Variants in DPP10 observed in about 807,000 individuals in gnomAD.
DPP10 encodes the protein dipeptidyl peptidase like 10, also known as inactive dipeptidyl peptidase 10.
Under a neutral mutation model 120.9 loss-of-function variants are expected in DPP10, and 33 were observed. The observed-to-expected ratio is 0.27, with a 90% CI of 0.21 to 0.37. DPP10 has a LOEUF of 0.37. Among genes scored for constraint, DPP10 ranks in the 10% least tolerant of loss-of-function variants. The probability of loss-of-function intolerance (pLI) is 1.00; values close to 1 mark genes in which losing one functional copy is unlikely to be tolerated. For synonymous variants in DPP10, 337 were observed against 326.1 expected, an observed-to-expected ratio of 1.03 and a Z score of -0.36; for missense variants, 816 against 942.8, an observed-to-expected ratio of 0.87 and a Z score of 1.76.
At chr2:115,124,400 T>C (rs2049973777) in intron 1 of DPP10, among the ~76,000 whole-genome samples, 1 of 152,240 alleles carries the variant, frequency 6.6e-6, no homozygotes, top group Non-Finnish European at 1.5e-5. Flanking sequence ...CCTCATTATC[T>C]GATCTTGAGC....
intron 8 of DPP10, among the ~76,000 whole-genome samples, chr2:115,731,371 T>C (rs2092906125): frequency 7.0e-6 from 1 of 142,618 alleles, no homozygotes; most frequent in East Asian, 2.1e-4. Flanking sequence ...AAAAAAAATT[T>C]AACTGGGTGG....
At chr2:115,687,754 C>A (rs2149491534) in intron 5 of DPP10, among the ~76,000 whole-genome samples, 1 of 152,128 alleles carries the variant, frequency 6.6e-6, no homozygotes, top group Admixed American at 6.6e-5. Context: ...AGAGAACGAC[C>A]AGCAACCTCT....
In DPP10 at chr2:115,679,702, A is replaced by G. The variant is rs77557887; in HGVS notation, c.442-9985A>G. On this transcript the variant is annotated intron_variant, in intron 5 of 25. Transcript: ENST00000410059. ...AATTCTGTTATTTGCATCAACATGG[A>G]TAAACCTGGAAGACATTATATTAAG... 1.2e-4 allele frequency among the ~76,000 whole-genome samples: 18 copies of G among 152,352 alleles called. No individual in the cohort carries two copies. The East Asian group carries it at 3.5e-3, about 29-fold the overall frequency.
intron 3 of DPP10, among the ~76,000 whole-genome samples, chr2:115,369,622 A>T (rs1036254792): frequency 1.3e-5 from 2 of 152,106 alleles, no homozygotes; most frequent in South Asian, 2.1e-4. Context: ...GACAAGAAGT[A>T]TAACAGCGGA....
chr2:115,325,684 C>T (rs1325309693), intron 2 of DPP10, among the ~76,000 whole-genome samples: 2 of 151,916 alleles, frequency 1.3e-5, no homozygotes, highest in Non-Finnish European at 2.9e-5. Flanking sequence ...AAAACAATTA[C>T]ATATAAATAT....
chr2:115,738,039 A>G (rs1676791113), intron 8 of DPP10, among the ~76,000 whole-genome samples: 1 of 152,210 alleles, frequency 6.6e-6, no homozygotes, highest in Admixed American at 6.5e-5. Flanking sequence ...GCATTCAACC[A>G]TAATGTGTTA....
intron 1 of DPP10, among the ~76,000 whole-genome samples, chr2:115,235,378 A>C (rs1308284301): frequency 1.3e-5 from 2 of 152,154 alleles, no homozygotes; most frequent in African/African-American, 4.8e-5. Flanking sequence ...TCTTCCTTTC[A>C]ATTTACAAAA....
chr2:114,872,223 G>C (rs1376372251), intron 1 of DPP10, among the ~76,000 whole-genome samples: 1 of 152,140 alleles, frequency 6.6e-6, no homozygotes, highest in Non-Finnish European at 1.5e-5. Context: ...TTACAATCAT[G>C]GTGGAAGGGG....
rs148039330 is a variant in DPP10 at position 114,855,782 on chromosome 2, G to A, written c.60+412944G>A. ...AAAGCTAAGCAATGTAGGGCTTTGC[G>A]GGGGAGGTCATTTCTAGTTGCTTAA... On this transcript the variant is annotated intron_variant, in intron 1 of 25. Coordinates refer to ENST00000410059, the MANE Select transcript of DPP10 (RefSeq NM_020868.6). Among the ~76,000 whole-genome samples, 1,059 of 152,214 alleles carry A rather than the reference G, an allele frequency of 7.0e-3. 8 individuals carry two copies. The highest frequency in any genetic ancestry group is 9.8e-3 in the Non-Finnish European group (667 of 67,994).
At chr2:114,836,757 G>C (rs906661995) in intron 1 of DPP10, among the ~76,000 whole-genome samples, 1 of 152,094 alleles carries the variant, frequency 6.6e-6, no homozygotes, top group East Asian at 1.9e-4. Context: ...GGGAGACTGG[G>C]GCTTATTTCA....
chr2:115,614,578 A>C (rs1304550912), intron 5 of DPP10, among the ~76,000 whole-genome samples: 1 of 152,104 alleles, frequency 6.6e-6, no homozygotes, highest in Admixed American at 6.5e-5. Flanking sequence ...GGCATACGCC[A>C]CCACACCAGC....
chr2:115,384,860 A>G (rs187160240), intron 3 of DPP10, among the ~76,000 whole-genome samples: 4 of 152,226 alleles, frequency 2.6e-5, no homozygotes, highest in Non-Finnish European at 4.4e-5. Flanking sequence ...CTTGAATTTT[A>G]CTCCCGTAAT....
At chr2:114,476,009 A>G (rs1177821664) in intron 1 of DPP10, among the ~76,000 whole-genome samples, 1 of 152,230 alleles carries the variant, frequency 6.6e-6, no homozygotes. Flanking sequence ...TAGAAGGGCC[A>G]GGGTTTTTCT....
chr2:114,450,731 A>G lies in DPP10; in HGVS notation c.60+7893A>G, dbSNP rs577988860. Among the ~76,000 whole-genome samples, 255 of 151,754 alleles carry G rather than the reference A, an allele frequency of 1.7e-3. 1 individual carries two copies. The highest frequency in any genetic ancestry group is 2.4e-3 in the Non-Finnish European group (163 of 67,842). On this transcript the variant is annotated intron_variant, in intron 1 of 25. Coordinates refer to ENST00000410059, the MANE Select transcript of DPP10 (RefSeq NM_020868.6). ...AGGATAAGTGGCTTCTGTAAGTAAA[A>G]AAAAAAAAAAAGGTTTTGCATTATG...
intron 1 of DPP10, among the ~76,000 whole-genome samples, chr2:115,263,342 C>T (rs977720552): frequency 1.3e-5 from 2 of 152,188 alleles, no homozygotes. Context: ...ACCCTTCCCC[C>T]TTGCTACCAG....
chr2:115,377,020 A>G lies in DPP10; in HGVS notation c.271+33108A>G, dbSNP rs1038851013. Among the ~76,000 whole-genome samples, 154 of 150,286 alleles carry G rather than the reference A, an allele frequency of 1.0e-3. 3 individuals are homozygous for G. The highest frequency in any genetic ancestry group is 1.8e-4 in the Non-Finnish European group (12 of 67,452). ...AATGCCACAATAAACATACATGTGC[A>G]TGTGTCTTTATAGCAGCATGATTTA... On this transcript the variant is annotated intron_variant, in intron 3 of 25. Coordinates refer to ENST00000410059, the MANE Select transcript of DPP10 (RefSeq NM_020868.6).
At chr2:115,138,402 A>G (rs2050755206) in intron 1 of DPP10, among the ~76,000 whole-genome samples, 1 of 152,208 alleles carries the variant, frequency 6.6e-6, no homozygotes, top group Non-Finnish European at 1.5e-5. Flanking sequence ...TCTATTGGTT[A>G]AAGAGTGGCA....
intron 1 of DPP10, among the ~76,000 whole-genome samples, chr2:115,001,216 T>C (rs1701418008): frequency 6.6e-6 from 1 of 152,228 alleles, no homozygotes; most frequent in African/African-American, 2.4e-5. Flanking sequence ...AAACAGCAGT[T>C]AGATTTTGAC....
At chr2:115,634,697 C>A (rs556372163) in intron 5 of DPP10, among the ~76,000 whole-genome samples, 1 of 152,218 alleles carries the variant, frequency 6.6e-6, no homozygotes, top group African/African-American at 2.4e-5. Context: ...CAGGAGGCAC[C>A]GGATGTGGGA....
Sources: gnomAD v4.1 joint callset for allele counts (sites outside exome capture counted in the v4.1 genomes callset) on GRCh38, gnomAD v4.1.1 for gene constraint, MANE v1.5 for transcripts, NCBI Gene and HGNC (gene_info 2026-07-23, HGNC 2026-07-21) for gene names.